Variants in KSR2 observed in about 807,000 individuals in gnomAD.
KSR2 encodes kinase suppressor of ras 2.
KSR2 carries 25 observed loss-of-function variants against 107.8 expected under a neutral mutation model. The observed-to-expected ratio is 0.23, with a 90% CI of 0.17 to 0.32. The LOEUF is 0.32. Among genes scored for constraint, KSR2 ranks in the 10% least tolerant of loss-of-function variants. KSR2 has a pLI of 1.00. For synonymous variants in KSR2, 480 were observed against 507.0 expected (o/e 0.95, Z 0.71); for missense variants, 887 against 1,268.9 (o/e 0.70, Z 4.57).
At chr12:117,494,226 C>T (rs1337831601) in intron 14 of KSR2, among the ~76,000 whole-genome samples, 1 of 152,140 alleles carries the variant, frequency 6.6e-6, no homozygotes, top group East Asian at 1.9e-4. Flanking sequence ...GGGGTCTGCA[C>T]CTGCGGTCTC....
intron 17 of KSR2, among the ~76,000 whole-genome samples, chr12:117,475,154 G>A (rs78417930): frequency 0.021 from 3,235 of 152,258 alleles, 104 homozygotes; most frequent in African/African-American, 0.074. Flanking sequence ...TCAGCAGCCA[G>A]AGTGATCTGA....
At chr12:117,946,889 G>T (rs1896194757) in intron 1 of KSR2, among the ~76,000 whole-genome samples, 1 of 152,038 alleles carries the variant, frequency 6.6e-6, no homozygotes, top group Non-Finnish European at 1.5e-5. Context: ...AATGGGCCAG[G>T]TGCAGTGGCT....
chr12:117,574,910 A>T (rs1404036305), intron 7 of KSR2, among the ~76,000 whole-genome samples: 1 of 151,752 alleles, frequency 6.6e-6, no homozygotes, highest in Non-Finnish European at 1.5e-5. Context: ...AAAAAAAAAA[A>T]AAATCACTCC....
intron 3 of KSR2, among the ~76,000 whole-genome samples, chr12:117,810,764 G>T (rs1287540161): frequency 6.6e-6 from 1 of 152,122 alleles, no homozygotes; most frequent in Non-Finnish European, 1.5e-5. Flanking sequence ...CAGACCTCCA[G>T]CTTGTCTTTG....
At chr12:117,568,194 C>A (rs1878652397) in intron 7 of KSR2, among the ~76,000 whole-genome samples, 1 of 152,164 alleles carries the variant, frequency 6.6e-6, no homozygotes, top group Non-Finnish European at 1.5e-5. Flanking sequence ...CTCTCCTCTC[C>A]CTCGCCTTCC....
chr12:117,816,941 C>A (rs1381979108), intron 3 of KSR2, among the ~76,000 whole-genome samples: 2 of 152,160 alleles, frequency 1.3e-5, no homozygotes, highest in Non-Finnish European at 2.9e-5. Context: ...CCATGTGATT[C>A]CATTACACAA....
intron 14 of KSR2, among the ~76,000 whole-genome samples, chr12:117,500,715 C>A (rs1873326333): frequency 6.6e-6 from 1 of 152,196 alleles, no homozygotes; most frequent in Non-Finnish European, 1.5e-5. Flanking sequence ...ACACAAGAGC[C>A]CTGAGGGGGA....
intron 1 of KSR2, among the ~76,000 whole-genome samples, chr12:117,868,243 C>T (rs1452596933): frequency 6.6e-6 from 1 of 152,008 alleles, no homozygotes; most frequent in Admixed American, 6.6e-5. Context: ...TTCTGGTCAA[C>T]ATAGTGAAAC....
At chr12:117,543,650 A>G (rs2093033021) in intron 9 of KSR2, among the ~76,000 whole-genome samples, 2 of 152,198 alleles carry the variant, frequency 1.3e-5, no homozygotes, top group Non-Finnish European at 2.9e-5. Context: ...CTTCTTAACT[A>G]TGTTGAATCT....
At chr12:117,921,978 G>A (rs149136300) in intron 1 of KSR2, among the ~76,000 whole-genome samples, 1 of 152,262 alleles carries the variant, frequency 6.6e-6, no homozygotes, top group East Asian at 1.9e-4. Context: ...GCTATTTATG[G>A]AGGCTGTATA....
chr12:117,729,832 C>A (rs633025), intron 4 of KSR2, among the ~76,000 whole-genome samples: 57,497 of 152,032 alleles, frequency 0.38, 12,880 homozygotes, highest in Admixed American at 0.54. Flanking sequence ...GTCCAGGATT[C>A]CGGAAAACAA....
rs1206606507 is a variant in KSR2 at position 117,740,480 on chromosome 12, C to CAT, written c.986+20529_986+20530dup. ...TACATATATTATATGTAATATATAA[C>CAT]ATATAATATATATGTTATATATTAC... On this transcript the variant is annotated intron_variant, in intron 4 of 19. Transcript: ENST00000339824. 5.2e-4 allele frequency among the ~76,000 whole-genome samples: 60 copies of CAT among 114,540 alleles called. 6 individuals carry two copies. Among genetic ancestry groups the CAT allele is most frequent in the Admixed American group, 2.9e-3 (28 of 9,808 alleles). 75.1% of individuals were successfully genotyped at this position (114,540 alleles called of 152,430 possible).
chr12:117,483,674 G>C (rs753185643), intron 16 of KSR2, among the ~76,000 whole-genome samples: 1 of 152,152 alleles, frequency 6.6e-6, no homozygotes, highest in Non-Finnish European at 1.5e-5. Flanking sequence ...AACTCAATGC[G>C]GCTTGCTCTA....
intron 4 of KSR2, among the ~76,000 whole-genome samples, chr12:117,688,108 G>A (rs1017143879): frequency 1.3e-5 from 2 of 152,198 alleles, no homozygotes; most frequent in African/African-American, 2.4e-5. Context: ...GGCCGGGTGT[G>A]GTGGCTCACG....
intron 5 of KSR2, among the ~76,000 whole-genome samples, chr12:117,634,667 A>C (rs1882974911): frequency 6.6e-6 from 1 of 152,188 alleles, no homozygotes; most frequent in Non-Finnish European, 1.5e-5. Flanking sequence ...GGCAGGAATC[A>C]GGGCTGGATC....
At chr12:117,754,309 G>A (rs1462888078) in intron 4 of KSR2, among the ~76,000 whole-genome samples, 1 of 152,136 alleles carries the variant, frequency 6.6e-6, no homozygotes, top group Non-Finnish European at 1.5e-5. Context: ...CACCACGGGT[G>A]TGCCTGAGAG....
rs554344039 is a variant in KSR2, at chr12:117,939,711, CAAACAAA to C, written c.180+28358_180+28364del. Among the ~76,000 whole-genome samples, 316 of 142,442 alleles carry C rather than the reference CAAACAAA, an allele frequency of 2.2e-3. 2 individuals are homozygous for C. Among genetic ancestry groups the C allele is most frequent in the African/African-American group, 7.9e-3 (303 of 38,138 alleles). The allele number at this position is 142,442 out of a possible 152,430, so 93.4% of individuals were successfully genotyped here. On this transcript the variant is annotated intron_variant, in intron 1 of 19. Coordinates refer to ENST00000339824, the MANE Select transcript of KSR2 (RefSeq NM_173598.6). ...TGGGCGACAGTGCAAGACTCCATCT[CAAACAAA>C]AAACAAAAAACAAAAAACGATGTGA...
chr12:117,471,194 G>C lies in KSR2; in HGVS notation c.2709C>G (p.Ile903Met). The change falls in exon 18 of 20, where the codon ATC becomes ATG. Residue 903 changes from isoleucine to methionine, a missense_variant. Around this residue, in one of 8 missense-constraint regions of KSR2, gnomAD observed 308 missense variants for 506.2 expected, o/e 0.61. Coordinates refer to ENST00000339824, the MANE Select transcript of KSR2 (RefSeq NM_173598.6). Reference protein sequence around the residue: ...NLSQIGMGKEISDILLFCWAF... With the variant: ...NLSQIGMGKEMSDILLFCWAF... ...CTGGACCTATCTTGGGACTTACCGA[G>C]ATTTCTTTTCCCATGCCAATCTGGC... 1 of 1,613,900 alleles carries C rather than the reference G, an allele frequency of 6.2e-7. No individual in the cohort carries two copies. Among genetic ancestry groups the C allele is most frequent in the Non-Finnish European group, 8.5e-7 (1 of 1,179,842 alleles).
intron 1 of KSR2, among the ~76,000 whole-genome samples, chr12:117,874,276 A>G (rs572577302): frequency 6.6e-6 from 1 of 152,086 alleles, no homozygotes; most frequent in East Asian, 1.9e-4. Context: ...TCTGTTGTCC[A>G]GGCTGGAGTG....
Sources: allele counts gnomAD v4.1 joint callset (sites outside exome capture counted in the v4.1 genomes callset), GRCh38; gene constraint gnomAD v4.1.1; regional missense constraint gnomAD v4.1.1; transcripts MANE v1.5; gene names NCBI Gene and HGNC (gene_info 2026-07-23, HGNC 2026-07-21).